Variants in PTPRD observed in about 807,000 individuals in gnomAD.
PTPRD encodes receptor-type tyrosine-protein phosphatase delta.
Under a neutral mutation model 214.5 loss-of-function variants are expected in PTPRD, and 34 were observed. That is an observed-to-expected ratio of 0.16 (90% CI 0.12 to 0.21). The LOEUF (loss-of-function observed/expected upper bound fraction) is 0.21, where lower values mean the gene tolerates loss of function less well. PTPRD is among the 10% of genes least tolerant of loss of function. The pLI, the probability that PTPRD is intolerant of heterozygous loss-of-function variation, is 1.00. For synonymous variants in PTPRD, 1,128 were observed against 845.7 expected, an observed-to-expected ratio of 1.33 and a Z score of -5.79; for missense variants, 2,545 against 2,398.7, an observed-to-expected ratio of 1.06 and a Z score of -1.27.
At chr9:9,528,243 T>C (rs558929968) in intron 8 of PTPRD, among the ~76,000 whole-genome samples, 1 of 152,268 alleles carries the variant, frequency 6.6e-6, no homozygotes, top group South Asian at 2.1e-4. Context: ...GAGAGAAAAC[T>C]ACCAGAGATC....
intron 10 of PTPRD, among the ~76,000 whole-genome samples, chr9:9,085,108 G>A (rs986715062): frequency 6.6e-6 from 1 of 152,074 alleles, no homozygotes; most frequent in Non-Finnish European, 1.5e-5. Context: ...TTTTGTGGCT[G>A]CTCACAAGCC....
At chr9:10,038,706 G>T (rs934616096) in intron 3 of PTPRD, among the ~76,000 whole-genome samples, 1 of 152,008 alleles carries the variant, frequency 6.6e-6, no homozygotes, top group Non-Finnish European at 1.5e-5. Context: ...TTGCCCAGTT[G>T]CACAAATCAG....
intron 10 of PTPRD, among the ~76,000 whole-genome samples, chr9:9,164,644 C>T (rs888325694): frequency 6.6e-6 from 1 of 152,096 alleles, no homozygotes; most frequent in Non-Finnish European, 1.5e-5. Flanking sequence ...TAGCACAGTG[C>T]CTTACCTCTG....
chr9:9,939,627 C>A (rs2090817937), intron 4 of PTPRD, among the ~76,000 whole-genome samples: 1 of 152,158 alleles, frequency 6.6e-6, no homozygotes, highest in South Asian at 2.1e-4. Flanking sequence ...TAATTGCTTG[C>A]TTGGATCATC....
Position 10,377,034 on chromosome 9 carries a change from C to G in PTPRD, c.-599-36017G>C, listed in dbSNP as rs1251500957. On this transcript the variant is annotated intron_variant, in intron 2 of 45. Transcript: ENST00000381196. ...ATTTTATTTGTACCCATTAACCATC[C>G]CCCCCTTCCACCCACCCTCTATTAC... Among the ~76,000 whole-genome samples the G allele has an allele frequency of 2.0e-5, 3 of 151,696 alleles. No individual in the cohort carries two copies. The East Asian group carries it at 5.8e-4, about 30-fold the overall frequency.
intron 7 of PTPRD, among the ~76,000 whole-genome samples, chr9:9,663,104 G>A (rs2096651124): frequency 1.3e-5 from 2 of 151,448 alleles, no homozygotes; most frequent in African/African-American, 4.8e-5. Context: ...TGTTATGTGT[G>A]TGTTTATATG....
chr9:8,371,879 C>T (rs2081637282), intron 39 of PTPRD, among the ~76,000 whole-genome samples: 1 of 151,920 alleles, frequency 6.6e-6, no homozygotes, highest in Non-Finnish European at 1.5e-5. Context: ...GAATGTGTAG[C>T]TATCAGAAGA....
At chr9:8,422,122 G>C (rs894858103) in intron 35 of PTPRD, among the ~76,000 whole-genome samples, 4 of 122,844 alleles carry the variant, frequency 3.3e-5, no homozygotes, top group Admixed American at 1.9e-4. Context: ...ACTTCAGCCT[G>C]GGTGAAAGAG....
At chr9:10,068,921 G>A (rs897015124) in intron 3 of PTPRD, among the ~76,000 whole-genome samples, 3 of 151,976 alleles carry the variant, frequency 2.0e-5, no homozygotes, top group Non-Finnish European at 4.4e-5. Context: ...GCCATCCTGT[G>A]CATTCGTAGA....
intron 7 of PTPRD, among the ~76,000 whole-genome samples, chr9:9,637,086 G>A (rs2095796013): frequency 1.3e-5 from 2 of 151,844 alleles, no homozygotes; most frequent in Non-Finnish European, 1.5e-5. Flanking sequence ...TCTCCCAAAG[G>A]GCCCCACCTC....
At chr9:9,141,538 G>A (rs934653861) in intron 10 of PTPRD, among the ~76,000 whole-genome samples, 3 of 151,676 alleles carry the variant, frequency 2.0e-5, no homozygotes, top group Admixed American at 6.6e-5. Flanking sequence ...TTCCAGAAAA[G>A]GATAAATTCA....
intron 7 of PTPRD, among the ~76,000 whole-genome samples, chr9:9,689,473 C>A (rs573425312): frequency 2.6e-5 from 4 of 151,646 alleles, no homozygotes; most frequent in African/African-American, 9.7e-5. Context: ...AAATATTTAT[C>A]TTTTATTTAT....
In PTPRD at chr9:9,853,560, T is replaced by A. The variant is rs181686153; in HGVS notation, c.-368+84947A>T. Among the ~76,000 whole-genome samples, 4 of 151,166 alleles carry A rather than the reference T, an allele frequency of 2.6e-5. No homozygotes were observed. The South Asian group carries it at 8.4e-4, about 32-fold the overall frequency. Reference sequence around the variant, plus strand: ...AAGGGTTTTTTTTGTTGTTTTTTGGTTTTTTTTTAGATGGAGTGTCACTCT... The same window carrying A: ...AAGGGTTTTTTTTGTTGTTTTTTGGATTTTTTTTAGATGGAGTGTCACTCT... On this transcript the variant is annotated intron_variant, in intron 5 of 45. Transcript: ENST00000381196.
intron 8 of PTPRD, among the ~76,000 whole-genome samples, chr9:9,412,025 A>G (rs2075604026): frequency 6.6e-6 from 1 of 152,212 alleles, no homozygotes; most frequent in Non-Finnish European, 1.5e-5. Flanking sequence ...GACCACATTC[A>G]CGGGATCTTT....
At chr9:9,720,613 T>C (rs756814661) in intron 7 of PTPRD, among the ~76,000 whole-genome samples, 6 of 152,146 alleles carry the variant, frequency 3.9e-5, no homozygotes, top group African/African-American at 1.4e-4. Context: ...TGCAGGTGAC[T>C]ACTACTGAGA....
intron 8 of PTPRD, among the ~76,000 whole-genome samples, chr9:9,424,775 C>T (rs918946107): frequency 6.6e-6 from 1 of 152,182 alleles, no homozygotes; most frequent in East Asian, 1.9e-4. Context: ...GATACAAAGT[C>T]AATATTTTAA....
intron 2 of PTPRD, among the ~76,000 whole-genome samples, chr9:10,567,041 G>A (rs944911490): frequency 1.3e-5 from 2 of 151,868 alleles, no homozygotes; most frequent in African/African-American, 4.8e-5. Flanking sequence ...CCTATGGTAC[G>A]TGACTCTCCA....
At chr9:10,140,203 C>A (rs1413692045) in intron 3 of PTPRD, among the ~76,000 whole-genome samples, 1 of 149,276 alleles carries the variant, frequency 6.7e-6, no homozygotes, top group African/African-American at 2.6e-5. Flanking sequence ...CCCCAATATC[C>A]AGAATCTATA....
intron 11 of PTPRD, among the ~76,000 whole-genome samples, chr9:8,872,437 T>A (rs1054886174): frequency 6.6e-6 from 1 of 152,206 alleles, no homozygotes; most frequent in Non-Finnish European, 1.5e-5. Context: ...AATGTTGTAT[T>A]ATTACAATCC....
Sources: allele counts gnomAD v4.1 joint callset (sites outside exome capture counted in the v4.1 genomes callset), GRCh38; gene constraint gnomAD v4.1.1; transcripts MANE v1.5; gene names NCBI Gene and HGNC (gene_info 2026-07-23, HGNC 2026-07-21).